PTK2B: variants seen among roughly 807,000 people sequenced by gnomAD.
The protein encoded by PTK2B is protein tyrosine kinase 2 beta, also known as protein-tyrosine kinase 2-beta.
Under a neutral mutation model 142.9 loss-of-function variants are expected in PTK2B, and 71 were observed. The observed-to-expected ratio is 0.50, with a 90% confidence interval of 0.41 to 0.61. The LOEUF (loss-of-function observed/expected upper bound fraction) is 0.61. PTK2B is among the 20% of genes least tolerant of loss of function. The pLI is 0.00. For synonymous variants in PTK2B, 519 were observed against 503.4 expected (o/e 1.03, Z -0.42); for missense variants, 1,105 against 1,320.4 (o/e 0.84, Z 2.53).
At chr8:27,351,967 C>A (rs936419405) in intron 1 of PTK2B, among the ~76,000 whole-genome samples, 1 of 152,204 alleles carries the variant, frequency 6.6e-6, no homozygotes, top group African/African-American at 2.4e-5. Flanking sequence ...CTGTCTACAG[C>A]TTTTGTTCCC....
chr8:27,420,126 G>A, intron 3 of PTK2B, 53 bp downstream of exon 3: 4 of 1,595,134 alleles, frequency 2.5e-6, no homozygotes, highest in Non-Finnish European at 3.4e-6. Flanking sequence ...ATTTAGGGTG[G>A]GGAGGCCCTG....
chr8:27,339,656 T>C (rs752208294), intron 1 of PTK2B, among the ~76,000 whole-genome samples: 2 of 152,192 alleles, frequency 1.3e-5, no homozygotes, highest in Non-Finnish European at 2.9e-5. Flanking sequence ...ATGGAAAGAC[T>C]GGCAGGGTGG....
chr8:27,430,106 G>A lies in PTK2B; in HGVS notation c.565G>A (p.Asp189Asn). The A allele has an allele frequency of 1.2e-6, 2 of 1,613,964 alleles. No homozygotes were observed. Among genetic ancestry groups the A allele is most frequent in the Non-Finnish European group, 1.7e-6 (2 of 1,179,868 alleles). Residue 189 changes from aspartate to asparagine, a missense_variant, in exon 6 of 31, where the codon GAT becomes AAT. Physicochemically the swap from Asp to Asn is conservative, Grantham distance 23 (BLOSUM62 1). Transcript: ENST00000346049. ...CTATTTCTCCAGGCGGTTCTTCAAG[G>A]ATATGCCCCACAATGCACTTGACAA... Reference protein sequence around the residue: ...GCLELRRFFKDMPHNALDKKS... With the variant: ...GCLELRRFFKNMPHNALDKKS...
intron 1 of PTK2B, among the ~76,000 whole-genome samples, chr8:27,393,557 T>G (rs948009795): frequency 6.6e-6 from 1 of 152,154 alleles, no homozygotes; most frequent in African/African-American, 2.4e-5. Context: ...TCTTTCTCTT[T>G]GGTCAGGACC....
intron 2 of PTK2B, among the ~76,000 whole-genome samples, chr8:27,417,010 A>G (rs1189627317): frequency 6.6e-6 from 1 of 152,220 alleles, no homozygotes; most frequent in African/African-American, 2.4e-5. Context: ...GAGAAATATA[A>G]AATGGAATAA....
At chr8:27,314,437 G>A (rs971957466) in intron 3 of PTK2B, among the ~76,000 whole-genome samples, 17 of 152,196 alleles carry the variant, frequency 1.1e-4, no homozygotes, top group African/African-American at 3.1e-4. Flanking sequence ...TACAACGGGC[G>A]CGTGTGGTGG....
intron 2 of PTK2B, among the ~76,000 whole-genome samples, chr8:27,417,827 G>A (rs1809494751): frequency 6.6e-6 from 1 of 152,216 alleles, no homozygotes; most frequent in Admixed American, 6.5e-5. Context: ...TTCAGCTGGA[G>A]CAGGAGAGGA....
At chr8:27,458,055 C>T (rs993792850) in intron 30 of PTK2B, among the ~76,000 whole-genome samples, 4 of 150,984 alleles carry the variant, frequency 2.6e-5, no homozygotes, top group South Asian at 2.1e-4. Context: ...CATGAAGGGA[C>T]GGTCAGGCTG....
intron 1 of PTK2B, among the ~76,000 whole-genome samples, chr8:27,386,883 T>A (rs1807394759): frequency 6.6e-6 from 1 of 152,266 alleles, no homozygotes. Flanking sequence ...CCTGAGGTTT[T>A]TTTTTTTTTA....
In PTK2B at chr8:27,444,216, C is replaced by T; in HGVS notation, c.2159C>T (p.Pro720Leu). 1 of 1,613,636 alleles carries T rather than the reference C, an allele frequency of 6.2e-7. No homozygotes were observed. Among genetic ancestry groups the T allele is most frequent in the Non-Finnish European group, 8.5e-7 (1 of 1,179,582 alleles). ...FQEPPPKPSR[P>L]KYRPPPQTNL... is the part of the protein sequence containing the mutation. Reference sequence around the variant, plus strand: ...GTGTTCTCTCTCCAGCCCAGCCGACCTAAGTACAGACCCCCTCCGCAAACC... The same window carrying T: ...GTGTTCTCTCTCCAGCCCAGCCGACTTAAGTACAGACCCCCTCCGCAAACC... The change falls in exon 23 of 31, where the codon CCT (proline) becomes CTT (leucine). Residue 720 changes from proline to leucine, a missense_variant. Transcript: ENST00000346049.
At chr8:27,337,840 T>A (rs890679127) in intron 1 of PTK2B, among the ~76,000 whole-genome samples, 5 of 152,012 alleles carry the variant, frequency 3.3e-5, no homozygotes, top group Non-Finnish European at 7.3e-5. Context: ...ACATACAAGT[T>A]TTTTTGTGGA....
intron 2 of PTK2B, among the ~76,000 whole-genome samples, chr8:27,416,326 A>G (rs2131747147): frequency 6.6e-6 from 1 of 152,346 alleles, no homozygotes; most frequent in African/African-American, 2.4e-5. Context: ...TTGGTACAGT[A>G]TAGACAAAGA....
intron 1 of PTK2B, among the ~76,000 whole-genome samples, chr8:27,377,037 C>G (rs148144343): frequency 6.6e-6 from 1 of 152,146 alleles, no homozygotes; most frequent in Admixed American, 6.5e-5. Flanking sequence ...ACCAGAGACT[C>G]GCTGTGCAAA....
At chr8:27,435,474 T>G (rs546111717) in intron 13 of PTK2B, among the ~76,000 whole-genome samples, 1 of 152,246 alleles carries the variant, frequency 6.6e-6, no homozygotes, top group Non-Finnish European at 1.5e-5. Flanking sequence ...CCAATACTCA[T>G]TTCATAAAAG....
intron 1 of PTK2B, among the ~76,000 whole-genome samples, chr8:27,362,596 C>A (rs992452362): frequency 5.3e-5 from 8 of 151,974 alleles, no homozygotes; most frequent in Non-Finnish European, 1.2e-4. Context: ...ACCCCACCCC[C>A]ACCTTCACCC....
intron 1 of PTK2B, among the ~76,000 whole-genome samples, chr8:27,357,010 G>T (rs1805429599): frequency 6.6e-6 from 1 of 152,152 alleles, no homozygotes; most frequent in Admixed American, 6.5e-5. Context: ...TGTGTTCACA[G>T]GATGAAATTG....
intron 1 of PTK2B, among the ~76,000 whole-genome samples, chr8:27,354,444 A>C (rs1308237675): frequency 6.6e-6 from 1 of 152,140 alleles, no homozygotes; most frequent in African/African-American, 2.4e-5. Context: ...TCTCACAAAG[A>C]AAGCCAGTGA....
intron 18 of PTK2B, among the ~76,000 whole-genome samples, chr8:27,438,670 C>G (rs192041749): frequency 1.3e-5 from 2 of 152,262 alleles, no homozygotes; most frequent in Admixed American, 6.5e-5. Flanking sequence ...GCATGGGGGA[C>G]AGTGTAGGCA....
At chr8:27,441,116 G>C (rs1247459787) in intron 21 of PTK2B, among the ~76,000 whole-genome samples, 1 of 152,076 alleles carries the variant, frequency 6.6e-6, no homozygotes, top group African/African-American at 2.4e-5. Flanking sequence ...TAAATATTTG[G>C]GGCTTTGCTG....
Sources: gnomAD v4.1 joint callset for allele counts (sites outside exome capture counted in the v4.1 genomes callset) on GRCh38, gnomAD v4.1.1 for gene constraint, MANE v1.5 for transcripts, NCBI Gene and HGNC (gene_info 2026-07-23, HGNC 2026-07-21) for gene names.